ST3GAL2: variants seen among roughly 807,000 people sequenced by gnomAD.
ST3GAL2 encodes the protein ST3 beta-galactoside alpha-2,3-sialyltransferase 2.
A neutral mutation model predicts 37.5 loss-of-function variants in ST3GAL2; 16 were observed. The observed-to-expected ratio is 0.43, with a 90% CI of 0.29 to 0.65. The LOEUF is 0.65. Ranked by LOEUF, ST3GAL2 falls within the 30% of genes least tolerant of loss-of-function variation. The pLI is 0.17. For synonymous variants in ST3GAL2, 238 were observed against 202.9 expected (o/e 1.17, Z -1.47); for missense variants, 383 against 487.8 (o/e 0.79, Z 2.02).
chr16:70,396,790 C>A (rs987644379), intron 2 of ST3GAL2, among the ~76,000 whole-genome samples: 2 of 152,120 alleles, frequency 1.3e-5, no homozygotes, highest in Non-Finnish European at 2.9e-5. Flanking sequence ...CCACCCATGA[C>A]ATGTGTGGCA....
At chr16:70,402,644 G>A (rs1347636390) in intron 1 of ST3GAL2, among the ~76,000 whole-genome samples, 1 of 152,048 alleles carries the variant, frequency 6.6e-6, no homozygotes, top group Non-Finnish European at 1.5e-5. Flanking sequence ...CAGGTGGTGG[G>A]TACAGAAGTA....
intron 1 of ST3GAL2, among the ~76,000 whole-genome samples, chr16:70,409,126 C>T (rs1365173146): frequency 1.3e-5 from 2 of 151,870 alleles, no homozygotes; most frequent in East Asian, 3.9e-4. Context: ...TACACTAAGG[C>T]ATGAAGTAAC....
chr16:70,406,943 C>T (rs187616318), intron 1 of ST3GAL2, among the ~76,000 whole-genome samples: 3 of 152,160 alleles, frequency 2.0e-5, no homozygotes, highest in Non-Finnish European at 4.4e-5. Context: ...GGGAGCAGCA[C>T]GAGATGATGG....
intron 1 of ST3GAL2, among the ~76,000 whole-genome samples, chr16:70,414,741 C>A (rs917998139): frequency 2.6e-5 from 4 of 152,188 alleles, no homozygotes; most frequent in South Asian, 2.1e-4. Context: ...AGTGTGATCT[C>A]AGCTCACTGC....
At chr16:70,429,588 C>CAAAAAAAAAAAAAAA (rs1173306093) in intron 1 of ST3GAL2, among the ~76,000 whole-genome samples, 17 of 36,060 alleles carry the variant, frequency 4.7e-4, no homozygotes, top group African/African-American at 1.6e-3. Context: ...GACTCTGTCT[C>CAAAAAAAAAAAAAAA]AAAAAAAAAA....
intron 1 of ST3GAL2, among the ~76,000 whole-genome samples, chr16:70,429,465 T>C (rs147790425): frequency 0.08 from 12,076 of 151,376 alleles, 1,588 homozygotes; most frequent in African/African-American, 0.28. Flanking sequence ...TAGTGGCAGA[T>C]GCCTGTAGTC....
intron 1 of ST3GAL2, among the ~76,000 whole-genome samples, chr16:70,405,433 C>T (rs1197524431): frequency 6.7e-6 from 1 of 150,338 alleles, no homozygotes; most frequent in Non-Finnish European, 1.5e-5. Flanking sequence ...ACCAGATACT[C>T]GGAAGGCTGA....
chr16:70,395,660 T>G (rs894192652), intron 2 of ST3GAL2, among the ~76,000 whole-genome samples: 1 of 152,104 alleles, frequency 6.6e-6, no homozygotes, highest in Non-Finnish European at 1.5e-5. Context: ...GCTGATAAAT[T>G]CTTTCAGAGC....
rs774147439 is a variant in ST3GAL2, at chr16:70,379,105, A to G, written c.*2584T>C. On this transcript the variant is annotated 3_prime_UTR_variant, in exon 7 of 7. Transcript: ENST00000342907. ...AGAGGGGAAAACCTGACTTAGATGC[A>G]CTTCCCTGAGAGGTGGGGACAGCCC... 6.6e-6 allele frequency: 1 copy of G among 152,218 alleles called. No homozygotes were observed. The highest frequency in any genetic ancestry group is 1.5e-5 in the Non-Finnish European group (1 of 68,070). 9.4% of individuals were successfully genotyped at this position (152,218 alleles called of 1,614,324 possible).
chr16:70,417,504 C>T (rs903842538), intron 1 of ST3GAL2, among the ~76,000 whole-genome samples: 6 of 152,248 alleles, frequency 3.9e-5, no homozygotes, highest in Non-Finnish European at 7.3e-5. Context: ...TTTAGCACAC[C>T]CTGCAGAGCA....
At chr16:70,390,470 G>A (rs1270321933) in intron 3 of ST3GAL2, among the ~76,000 whole-genome samples, 1 of 152,190 alleles carries the variant, frequency 6.6e-6, no homozygotes, top group Non-Finnish European at 1.5e-5. Flanking sequence ...GATGGTGAAA[G>A]TAAGATAGGA....
intron 1 of ST3GAL2, among the ~76,000 whole-genome samples, chr16:70,405,819 G>A (rs1484913754): frequency 6.6e-6 from 1 of 151,934 alleles, no homozygotes; most frequent in Non-Finnish European, 1.5e-5. Flanking sequence ...CCAGCACTTT[G>A]GGAGGCCGAG....
intron 1 of ST3GAL2, among the ~76,000 whole-genome samples, chr16:70,401,994 CAAAAAA>C (rs749422742): frequency 1.2e-4 from 7 of 60,200 alleles, no homozygotes; most frequent in Non-Finnish European, 2.1e-4. Flanking sequence ...AACTCTGCCT[CAAAAAA>C]AAAAAAAAAA....
chr16:70,388,240 C>G, intron 4 of ST3GAL2, 127 bp downstream of exon 4: 1 of 1,237,448 alleles, frequency 8.1e-7, no homozygotes, highest in Non-Finnish European at 1.1e-6. Flanking sequence ...AACTTAGGCC[C>G]TCCCTTCTCA....
intron 1 of ST3GAL2, among the ~76,000 whole-genome samples, chr16:70,415,492 G>A (rs1321692487): frequency 6.6e-6 from 1 of 152,032 alleles, no homozygotes; most frequent in African/African-American, 2.4e-5. Context: ...GAAGATATTC[G>A]TAAAGTTAAC....
rs192540529 is a variant in ST3GAL2 at position 70,406,973 on chromosome 16, G to T, written c.-1003-7440C>A. 1.9e-3 allele frequency among the ~76,000 whole-genome samples: 286 copies of T among 152,316 alleles called. 1 individual carries two copies. Among genetic ancestry groups the T allele is most frequent in the Middle Eastern group, 3.4e-3 (1 of 294 alleles). ...TGATGGCATCGAGTGTCGTCCTGGAGGGGGGCTACCTGTGGGACAGGTGGC... is the reference window on the plus strand; with the variant it reads ...TGATGGCATCGAGTGTCGTCCTGGATGGGGGCTACCTGTGGGACAGGTGGC... On this transcript the variant is annotated intron_variant, in intron 1 of 6. Coordinates refer to ENST00000342907, the MANE Select transcript of ST3GAL2 (RefSeq NM_006927.4).
intron 1 of ST3GAL2, among the ~76,000 whole-genome samples, chr16:70,405,155 C>G (rs1597566010): frequency 1.3e-5 from 2 of 152,122 alleles, no homozygotes; most frequent in East Asian, 3.9e-4. Context: ...TGTGGTATAT[C>G]CATACAAGGG....
At chr16:70,405,361 G>A (rs1217450646) in intron 1 of ST3GAL2, among the ~76,000 whole-genome samples, 2 of 151,814 alleles carry the variant, frequency 1.3e-5, no homozygotes, top group Non-Finnish European at 2.9e-5. Context: ...TTAACATGGT[G>A]AAACCCCATC....
chr16:70,377,434 A>C lies in ST3GAL2; in HGVS notation c.*4255T>G, dbSNP rs112487329. On this transcript the variant is annotated 3_prime_UTR_variant, in exon 7 of 7. Coordinates refer to ENST00000342907, the MANE Select transcript of ST3GAL2 (RefSeq NM_006927.4). ...GGCGGAGCTTGCAGTGAGCGGACAT[A>C]GCACCACTGCATTCCAGCCTGGGCA... is the stretch of plus-strand genomic sequence containing the variant. 0.091 allele frequency: 13,561 copies of C among 149,204 alleles called. 2,073 individuals carry two copies. Among genetic ancestry groups the C allele is most frequent in the African/African-American group, 0.32 (12,716 of 39,846 alleles). The allele number at this position is 149,204 out of a possible 1,614,324, so 9.2% of individuals were successfully genotyped here.
Sources: gnomAD v4.1 joint callset for allele counts (sites outside exome capture counted in the v4.1 genomes callset) on GRCh38, gnomAD v4.1.1 for gene constraint, MANE v1.5 for transcripts, NCBI Gene and HGNC (gene_info 2026-07-23, HGNC 2026-07-21) for gene names.